The following NME7 variants were observed in gnomAD, a reference collection of about 807,000 sequenced individuals.
NME7 encodes nucleoside diphosphate kinase 7.
A neutral mutation model predicts 49.1 loss-of-function variants in NME7; 41 were observed. The ratio of observed to expected loss-of-function variants is 0.83; its 90% CI spans 0.65 to 1.08. NME7 has a LOEUF of 1.08. Ranked by LOEUF, NME7 falls within the 50% of genes least tolerant of loss-of-function variation. The pLI is 0.00. For synonymous variants in NME7, 139 were observed against 150.6 expected (o/e 0.92, Z 0.56); for missense variants, 423 against 463.4 (o/e 0.91, Z 0.80).
At chr1:169,325,166 GAC>G (rs1202257287) in intron 1 of NME7, among the ~76,000 whole-genome samples, 3 of 152,084 alleles carry the variant, frequency 2.0e-5, no homozygotes, top group Admixed American at 2.0e-4. Flanking sequence ...ATAGAAGTTT[GAC>G]ACAGAGTGGT....
chr1:169,175,471 A>G (rs1659724926), intron 10 of NME7, among the ~76,000 whole-genome samples: 1 of 152,184 alleles, frequency 6.6e-6, no homozygotes, highest in Admixed American at 6.5e-5. Flanking sequence ...TGTACTATAC[A>G]TAATTTTATG....
At chr1:169,244,014 T>A (rs950283789) in intron 7 of NME7, among the ~76,000 whole-genome samples, 4 of 142,898 alleles carry the variant, frequency 2.8e-5, no homozygotes, top group Non-Finnish European at 6.2e-5. Flanking sequence ...TTGGCATATG[T>A]ATGTACCTCA....
chr1:169,181,338 C>G (rs1659922799), intron 10 of NME7, among the ~76,000 whole-genome samples: 1 of 149,932 alleles, frequency 6.7e-6, no homozygotes, highest in South Asian at 2.1e-4. Context: ...AGACTGATAT[C>G]AAGAGATTCA....
In NME7 at chr1:169,367,702, A is replaced by G; in HGVS notation, c.3+6T>C. The G allele has an allele frequency of 1.2e-6, 2 of 1,614,182 alleles. No individual in the cohort carries two copies. Among genetic ancestry groups the G allele is most frequent in the African/African-American group, 1.3e-5 (1 of 75,034 alleles). On this transcript the variant is annotated splice_donor_region_variant and intron_variant, in intron 1 of 11. Coordinates refer to ENST00000367811, the MANE Select transcript of NME7 (RefSeq NM_013330.5). ...AGCCGTTCTTCTGGCATCCCCTGGCACTCACCATTGTCTCAGGATCTCAGC... is the reference window on the plus strand; with the variant it reads ...AGCCGTTCTTCTGGCATCCCCTGGCGCTCACCATTGTCTCAGGATCTCAGC...
At chr1:169,282,503 T>C (rs1325399128) in intron 7 of NME7, among the ~76,000 whole-genome samples, 2 of 152,168 alleles carry the variant, frequency 1.3e-5, no homozygotes, top group African/African-American at 4.8e-5. Context: ...TTTGAATTTG[T>C]TTGCTGTTGC....
At chr1:169,331,374 T>C (rs564125119) in intron 1 of NME7, among the ~76,000 whole-genome samples, 232 of 152,242 alleles carry the variant, frequency 1.5e-3, no homozygotes, top group African/African-American at 5.0e-3. Context: ...TCATACTGAA[T>C]GGGGAAAAAC....
intron 5 of NME7, among the ~76,000 whole-genome samples, chr1:169,301,521 C>T (rs1650939692): frequency 6.6e-6 from 1 of 152,110 alleles, no homozygotes; most frequent in South Asian, 2.1e-4. Context: ...GGATATTTCT[C>T]AAAGAACTTA....
intron 1 of NME7, among the ~76,000 whole-genome samples, chr1:169,365,327 A>G (rs1452297814): frequency 6.6e-6 from 1 of 151,672 alleles, no homozygotes; most frequent in African/African-American, 2.4e-5. Context: ...CCTCCATTAA[A>G]CTCTTTCTCT....
chr1:169,344,449 GC>G (rs1417567446), intron 1 of NME7, among the ~76,000 whole-genome samples: 3 of 152,112 alleles, frequency 2.0e-5, no homozygotes, highest in African/African-American at 7.2e-5. Context: ...ACACATCCTA[GC>G]CTTGTTCCCA....
chr1:169,298,063 A>G (rs1650779450), intron 6 of NME7, among the ~76,000 whole-genome samples: 1 of 152,246 alleles, frequency 6.6e-6, no homozygotes, highest in African/African-American at 2.4e-5. Flanking sequence ...ATTCAACCTC[A>G]GTATAAATCC....
intron 10 of NME7, among the ~76,000 whole-genome samples, chr1:169,184,848 T>G (rs1430914574): frequency 6.6e-6 from 1 of 152,186 alleles, no homozygotes; most frequent in Non-Finnish European, 1.5e-5. Flanking sequence ...AGATTTGTAT[T>G]GTTTGCTCAT....
At chr1:169,247,184 T>C in intron 7 of NME7, 1 of 415,894 alleles carries the variant, frequency 2.4e-6, no homozygotes, top group Non-Finnish European at 4.7e-6. Flanking sequence ...CGGTACTGAG[T>C]AGATAGGCTG....
chr1:169,208,797 A>C (rs1480329530), intron 10 of NME7, among the ~76,000 whole-genome samples: 1 of 152,132 alleles, frequency 6.6e-6, no homozygotes, highest in Non-Finnish European at 1.5e-5. Flanking sequence ...AATCCCAAAA[A>C]GTCTCTAAAT....
At chr1:169,342,851 A>G (rs1207921783) in intron 1 of NME7, among the ~76,000 whole-genome samples, 4 of 89,854 alleles carry the variant, frequency 4.5e-5, no homozygotes, top group Non-Finnish European at 6.6e-5. Context: ...TATATATAGT[A>G]TATATATATA....
At chr1:169,187,838 G>A (rs1660116854) in intron 10 of NME7, among the ~76,000 whole-genome samples, 1 of 152,196 alleles carries the variant, frequency 6.6e-6, no homozygotes, top group Non-Finnish European at 1.5e-5. Context: ...CTTTTTCATA[G>A]TGTCAGTGGT....
chr1:169,289,044 C>T (rs1277366201), intron 6 of NME7, among the ~76,000 whole-genome samples: 3 of 152,150 alleles, frequency 2.0e-5, no homozygotes, highest in Non-Finnish European at 2.9e-5. Context: ...TTTACTTCCT[C>T]TCCTACAGTC....
chr1:169,358,021 G>A (rs1040686957), intron 1 of NME7, among the ~76,000 whole-genome samples: 1 of 151,912 alleles, frequency 6.6e-6, no homozygotes, highest in Non-Finnish European at 1.5e-5. Context: ...CCTTTTACCA[G>A]CTTTTTCTTA....
chr1:169,278,624 T>G (rs1215994693), intron 7 of NME7, among the ~76,000 whole-genome samples: 1 of 152,212 alleles, frequency 6.6e-6, no homozygotes, highest in Non-Finnish European at 1.5e-5. Flanking sequence ...TCTTTGCCTT[T>G]GATTTGAATT....
chr1:169,353,042 A>G (rs1653236701), intron 1 of NME7, among the ~76,000 whole-genome samples: 1 of 148,186 alleles, frequency 6.7e-6, no homozygotes, highest in South Asian at 2.1e-4. Context: ...GAGTAGAAAT[A>G]GAAAAAACAA....
Sources: allele counts gnomAD v4.1 joint callset (sites outside exome capture counted in the v4.1 genomes callset), GRCh38; gene constraint gnomAD v4.1.1; transcripts MANE v1.5; gene names NCBI Gene and HGNC (gene_info 2026-07-23, HGNC 2026-07-21).